MDGA2: variants seen among roughly 807,000 people sequenced by gnomAD.
MDGA2 encodes the protein MAM domain-containing glycosylphosphatidylinositol anchor protein 2.
Under a neutral mutation model 117.8 loss-of-function variants are expected in MDGA2, and 40 were observed. The ratio of observed to expected loss-of-function variants is 0.34; its 90% CI spans 0.26 to 0.44. MDGA2 has a LOEUF of 0.44. Among genes scored for constraint, MDGA2 ranks in the 20% least tolerant of loss-of-function variants. MDGA2 has a pLI of 1.00. For missense variants in MDGA2, 1,123 were observed against 1,250.6 expected (o/e 0.90, Z 1.54); for synonymous variants, 452 against 439.0 (o/e 1.03, Z -0.37).
chr14:47,226,971 C>A (rs950247495), intron 2 of MDGA2, among the ~76,000 whole-genome samples: 1 of 152,072 alleles, frequency 6.6e-6, no homozygotes, highest in Admixed American at 6.6e-5. Context: ...CTCCGGTCCT[C>A]CAGATATCAT....
chr14:47,435,976 C>CT (rs1482046350), intron 1 of MDGA2, among the ~76,000 whole-genome samples: 6 of 151,968 alleles, frequency 3.9e-5, no homozygotes, highest in African/African-American at 1.4e-4. Flanking sequence ...GGCTCTTTTC[C>CT]TTTTTTTGTC....
At chr14:47,416,611 C>G (rs1219579100) in intron 1 of MDGA2, among the ~76,000 whole-genome samples, 1 of 152,142 alleles carries the variant, frequency 6.6e-6, no homozygotes, top group Non-Finnish European at 1.5e-5. Flanking sequence ...GTGGCCCTGC[C>G]CTTGGGATGG....
intron 1 of MDGA2, among the ~76,000 whole-genome samples, chr14:47,505,873 T>A (rs983387082): frequency 1.8e-4 from 27 of 152,102 alleles, no homozygotes; most frequent in African/African-American, 6.3e-4. Flanking sequence ...TTTAGAAAAA[T>A]AATAATCAAT....
intron 1 of MDGA2, among the ~76,000 whole-genome samples, chr14:47,376,420 T>C (rs1047047474): frequency 3.3e-5 from 5 of 152,186 alleles, no homozygotes; most frequent in Admixed American, 1.3e-4. Context: ...AATCCAACTA[T>C]TATTGGTCAA....
chr14:47,527,810 T>C (rs1251389775), intron 1 of MDGA2, among the ~76,000 whole-genome samples: 2 of 151,966 alleles, frequency 1.3e-5, no homozygotes, highest in Middle Eastern at 3.2e-3. Flanking sequence ...TAAGCGGAAA[T>C]GAGAAAGGAG....
chr14:47,432,878 G>A (rs941207018), intron 1 of MDGA2, among the ~76,000 whole-genome samples: 31 of 152,010 alleles, frequency 2.0e-4, no homozygotes, highest in African/African-American at 7.2e-4. Flanking sequence ...AGAATAATTA[G>A]TTTAGAAGTT....
chr14:47,359,214 C>T (rs1325866081), intron 1 of MDGA2, among the ~76,000 whole-genome samples: 3 of 151,960 alleles, frequency 2.0e-5, no homozygotes, highest in Admixed American at 6.6e-5. Context: ...ATTAGCTGGG[C>T]GTGGTGGCAC....
chr14:47,110,411 G>A (rs775305768), intron 5 of MDGA2, among the ~76,000 whole-genome samples: 3 of 152,126 alleles, frequency 2.0e-5, no homozygotes, highest in Non-Finnish European at 4.4e-5. Context: ...AAGAGATAAA[G>A]ACATCACCTC....
intron 9 of MDGA2, among the ~76,000 whole-genome samples, chr14:46,944,860 T>C (rs1885118007): frequency 6.6e-6 from 1 of 152,044 alleles, no homozygotes; most frequent in Non-Finnish European, 1.5e-5. Context: ...TCTTTAATTA[T>C]TTGAACATAT....
intron 2 of MDGA2, among the ~76,000 whole-genome samples, chr14:47,256,332 C>T (rs1015691272): frequency 6.6e-6 from 1 of 152,014 alleles, no homozygotes; most frequent in Non-Finnish European, 1.5e-5. Flanking sequence ...AATATGCCTG[C>T]CCCTAAATGT....
At chr14:46,850,763 GC>G (rs1353751453) in intron 15 of MDGA2, among the ~76,000 whole-genome samples, 1 of 151,804 alleles carries the variant, frequency 6.6e-6, no homozygotes, top group Admixed American at 6.6e-5. Context: ...ACAATACTCT[GC>G]CAGTTCATCT....
At chr14:47,576,589 G>A (rs12891099) in intron 1 of MDGA2, among the ~76,000 whole-genome samples, 21,086 of 152,158 alleles carry the variant, frequency 0.14, 1,907 homozygotes, top group Non-Finnish European at 0.21. Flanking sequence ...CATGAGAAGG[G>A]AGCCTTGCAA....
intron 1 of MDGA2, among the ~76,000 whole-genome samples, chr14:47,583,293 T>C (rs755926779): frequency 2.6e-5 from 4 of 151,742 alleles, no homozygotes; most frequent in Admixed American, 6.6e-5. Context: ...TATCAGGAGA[T>C]GAGATTAAAG....
chr14:47,171,582 A>G lies in MDGA2; in HGVS notation c.596-27308T>C, dbSNP rs946431562. 2.6e-5 allele frequency among the ~76,000 whole-genome samples: 4 copies of G among 152,176 alleles called. No individual in the cohort carries two copies. In the South Asian group the frequency reaches 8.3e-4, roughly 32 times the overall value. On this transcript the variant is annotated intron_variant, in intron 3 of 16. Transcript: ENST00000399232. The stretch of plus-strand genomic sequence containing the variant: ...TCAAAGGGAAGTAGTTTCTTTCCTG[A>G]AAATATACATTTTGAATGCATGCTG...
At chr14:47,391,592 CATATAA>C (rs1373658466) in intron 1 of MDGA2, among the ~76,000 whole-genome samples, 1 of 152,124 alleles carries the variant, frequency 6.6e-6, no homozygotes, top group East Asian at 1.9e-4. Context: ...CACAGGTATG[CATATAA>C]ATATAACACA....
In MDGA2 at chr14:46,845,677, C is replaced by A. The variant is rs563605230; in HGVS notation, c.2989+89G>T. ...TAAATAAACCAACTAAAAATAACTC[C>A]GTTTTTAAAATTAATTAAATTAAAT... On this transcript the variant is annotated intron_variant, in intron 16 of 16. Coordinates refer to ENST00000399232, the MANE Select transcript of MDGA2 (RefSeq NM_001113498.3). 7.7e-6 allele frequency: 6 copies of A among 783,226 alleles called. No homozygotes were observed. The African/African-American group carries it at 1.1e-4, about 14-fold the overall frequency. 48.5% of individuals were successfully genotyped at this position (783,226 alleles called of 1,614,324 possible).
At chr14:47,592,886 T>C (rs968927012) in intron 1 of MDGA2, among the ~76,000 whole-genome samples, 6 of 152,072 alleles carry the variant, frequency 3.9e-5, no homozygotes, top group Non-Finnish European at 8.8e-5. Context: ...AACTGGCAAA[T>C]GATATCTAAT....
chr14:47,468,019 A>G (rs1893639562), intron 1 of MDGA2, among the ~76,000 whole-genome samples: 1 of 152,154 alleles, frequency 6.6e-6, no homozygotes, highest in African/African-American at 2.4e-5. Flanking sequence ...GTAGTTATGG[A>G]AAGTAGTAGC....
intron 1 of MDGA2, among the ~76,000 whole-genome samples, chr14:47,494,084 C>T (rs1894228977): frequency 6.6e-6 from 1 of 152,142 alleles, no homozygotes; most frequent in African/African-American, 2.4e-5. Flanking sequence ...CTGCACTTCT[C>T]CTTCCTGCTG....
Sources: allele counts gnomAD v4.1 joint callset (sites outside exome capture counted in the v4.1 genomes callset), GRCh38; gene constraint gnomAD v4.1.1; transcripts MANE v1.5; gene names NCBI Gene and HGNC (gene_info 2026-07-23, HGNC 2026-07-21).